Variants in AARS2 observed in about 807,000 individuals in gnomAD.
AARS2 encodes alanine--tRNA ligase, mitochondrial.
Under a neutral mutation model 119.7 loss-of-function variants are expected in AARS2, and 78 were observed. That is an observed-to-expected ratio of 0.65 (90% CI 0.54 to 0.79). AARS2 has a LOEUF of 0.79. Ranked by LOEUF, AARS2 falls within the 30% of genes least tolerant of loss-of-function variation. The probability of loss-of-function intolerance (pLI) is 0.00; values close to 1 mark genes in which losing one functional copy is unlikely to be tolerated. For synonymous variants in AARS2, 502 were observed against 526.3 expected, an observed-to-expected ratio of 0.95 and a Z score of 0.63; for missense variants, 1,157 against 1,291.3, an observed-to-expected ratio of 0.90 and a Z score of 1.59.
chr6:44,310,375 A>G lies in AARS2; in HGVS notation c.818T>C (p.Leu273Pro). 1.2e-6 allele frequency: 2 copies of G among 1,614,182 alleles called. No homozygotes were observed. Among genetic ancestry groups the G allele is most frequent in the Non-Finnish European group, 8.5e-7 (1 of 1,180,012 alleles). The change falls in exon 5 of 22, where the codon CTG becomes CCG. Residue 273 changes from leucine (L) to proline (P), a missense_variant. Coordinates refer to ENST00000244571, the MANE Select transcript of AARS2 (RefSeq NM_020745.4). ...HVDTGMGLER[L>P]VAVLQGKHST... ...GTGTTTGCCTTGCAGCACAGCCACC[A>G]GCCTTTCCAGGCCCATTCCTGTGTC...
At chr6:44,308,729 G>T (rs988796248) in intron 5 of AARS2, among the ~76,000 whole-genome samples, 1 of 151,980 alleles carries the variant, frequency 6.6e-6, no homozygotes, top group African/African-American at 2.4e-5. Context: ...CCTCCCAAGT[G>T]GCTGGGACTA....
rs1785656855 is a variant in AARS2, at chr6:44,304,495, T to G, written c.1791A>C (p.Gly597=). The G allele has an allele frequency of 1.2e-6, 2 of 1,614,036 alleles. No individual in the cohort carries two copies. Among genetic ancestry groups the G allele is most frequent in the African/African-American group, 1.3e-5 (1 of 75,000 alleles). Residue 597 remains glycine, a synonymous_variant, in exon 13 of 22, where the codon GGA becomes GGC. Coordinates refer to ENST00000244571, the MANE Select transcript of AARS2 (RefSeq NM_020745.4). ...CTACTGCCTCATGCAGGATGAAACC[T>G]CCACAGACCTGGGCCCGGGCTACTG... ...LFPVARAQVC[G]GFILHEAVAP...
At chr6:44,311,203 CA>C (rs1786322294) in intron 3 of AARS2, 42 bp from the exon 4 acceptor site, 1 of 1,613,000 alleles carries the variant, frequency 6.2e-7, no homozygotes, top group African/African-American at 1.3e-5. Context: ...CAGACAGACC[CA>C]GAAGCTGGGA....
At chr6:44,312,358 C>A (rs1583061784) in intron 1 of AARS2, 95 bp from the exon 2 acceptor site, 1 of 1,282,028 alleles carries the variant, frequency 7.8e-7, no homozygotes, top group Non-Finnish European at 1.1e-6. Context: ...CTGTTCAGAC[C>A]GAAGGCTGAC....
At chr6:44,312,651 A>G (rs1410458320) in intron 1 of AARS2, among the ~76,000 whole-genome samples, 3 of 152,200 alleles carry the variant, frequency 2.0e-5, no homozygotes, top group African/African-American at 4.8e-5. Context: ...ACGGCCTCTA[A>G]GGTTAACTTA....
At position 44,298,741 on chromosome 6, in the gene AARS2, A is replaced by C. The variant is rs774300154; in HGVS notation, c.*1806T>G. On this transcript the variant is annotated 3_prime_UTR_variant, in exon 22 of 22. Coordinates refer to ENST00000244571, the MANE Select transcript of AARS2 (RefSeq NM_020745.4). ...CAGGCGGGCCCACGCTGCTCGAATA[A>C]TTTTTACTAGACAGAATTTGGTAGC... Among the ~76,000 whole-genome samples the C allele has an allele frequency of 1.3e-4, 20 of 152,188 alleles. No homozygotes were observed. The highest frequency in any genetic ancestry group is 2.6e-4 in the Non-Finnish European group (18 of 68,030).
chr6:44,302,930 A>G lies in AARS2; in HGVS notation c.2256-20T>C, dbSNP rs1330779860. ...AGGTGCCTGTGGGAGGAAGGAGTGA[A>G]CAGAAAGTCGGGGCATGACAGTAGA... On this transcript the variant is annotated intron_variant, in intron 16 of 21. Transcript: ENST00000244571. 6.2e-7 allele frequency: 1 copy of G among 1,612,306 alleles called. No homozygotes were observed. Among genetic ancestry groups the G allele is most frequent in the Non-Finnish European group, 8.5e-7 (1 of 1,178,610 alleles).
At chr6:44,306,675 G>A in intron 7 of AARS2, 143 bp from the exon 8 acceptor site, 1 of 1,109,622 alleles carries the variant, frequency 9.0e-7, no homozygotes, top group Non-Finnish European at 1.4e-6. Context: ...TGGGGAACTG[G>A]TTTCCCTGTA....
In AARS2 at chr6:44,305,065, C is replaced by G. The variant is rs747423771; in HGVS notation, c.1568G>C (p.Ser523Thr). ...SPKYNYSLRP[S>T]GSYEFGTCEA... is the part of the protein sequence containing the mutation. ...GTCCAGGCTCTCACCATAACTTCCGCTGGGTCGCAGGGAGTAGTTGTACTT... is the reference window on the plus strand; with the variant it reads ...GTCCAGGCTCTCACCATAACTTCCGGTGGGTCGCAGGGAGTAGTTGTACTT... Residue 523 changes from serine (S) to threonine (T), a missense_variant, in exon 11 of 22, where the codon AGC becomes ACC. By Grantham distance (58) the Ser-to-Thr change is moderately conservative. Transcript: ENST00000244571. The surrounding 1 kb of genome is among the most constrained non-coding windows in gnomAD (Gnocchi z 4.6). The G allele has an allele frequency of 6.2e-7, 1 of 1,614,118 alleles. No homozygotes were observed. The highest frequency in any genetic ancestry group is 8.5e-7 in the Non-Finnish European group (1 of 1,180,000).
Position 44,313,253 on chromosome 6 carries a change from C to T in AARS2, c.71G>A (p.Gly24Asp). The T allele has an allele frequency of 6.3e-7, 1 of 1,588,210 alleles. No homozygotes were observed. The highest frequency in any genetic ancestry group is 1.8e-4 in the Middle Eastern group (1 of 5,548). Residue 24 changes from glycine (G) to aspartate (D), a missense_variant, in exon 1 of 22, where the codon GGC becomes GAC. Coordinates refer to ENST00000244571, the MANE Select transcript of AARS2 (RefSeq NM_020745.4). ...RAIRRSPAWR[G>D]LSHRPLSSEP... The stretch of plus-strand genomic sequence containing the variant: ...CGATGAGAGCGGCCGATGGCTGAGG[C>T]CCCGCCATGCGGGCGACCTTCGAAT...
chr6:44,305,316 G>T lies in AARS2; in HGVS notation c.1435-118C>A. ...AGCTGTGGACTCTGCAGCCCTTCTG[G>T]AATAAGAACTCAGGGCTTGGCTGGC... On this transcript the variant is annotated intron_variant, in intron 10 of 21. Coordinates refer to ENST00000244571, the MANE Select transcript of AARS2 (RefSeq NM_020745.4). This position sits in a 1 kb window ranked among gnomAD's most constrained non-coding sequence, Gnocchi z 4.6. The T allele has an allele frequency of 6.7e-7, 1 of 1,481,492 alleles. No individual in the cohort carries two copies. Among genetic ancestry groups the T allele is most frequent in the Non-Finnish European group, 9.3e-7 (1 of 1,080,738 alleles). 91.8% of individuals were successfully genotyped at this position (1,481,492 alleles called of 1,614,324 possible).
rs755564297 is a variant in AARS2, at chr6:44,307,261, A to G, written c.1028T>C (p.Met343Thr). 2 of 1,613,526 alleles carry G rather than the reference A, an allele frequency of 1.2e-6. No homozygotes were observed. Among genetic ancestry groups the G allele is most frequent in the African/African-American group, 2.7e-5 (2 of 74,816 alleles). Residue 343 changes from methionine (M) to threonine (T), a missense_variant, in exon 6 of 22, where the codon ATG (methionine) becomes ACG (threonine). Met to Thr is a moderately conservative substitution (Grantham distance 81). Transcript: ENST00000244571. This position sits in a 1 kb window ranked among gnomAD's most constrained non-coding sequence, Gnocchi z 4.4. The part of the protein sequence containing the change: ...VCISDGIFPG[M>T]SGPPLVLRRI... ...CTTCCAGACTCACGGGGGACCTGAC[A>G]TCCCAGGGAAGATGCCATCAGAGAT... is the stretch of plus-strand genomic sequence containing the variant.
At chr6:44,301,315 G>A (rs1331419626) in intron 20 of AARS2, 49 bp from the exon 21 acceptor site, 2 of 1,613,108 alleles carry the variant, frequency 1.2e-6, no homozygotes, top group Non-Finnish European at 8.5e-7. Flanking sequence ...CAGACCCCTA[G>A]CTGTCTCCTG....
chr6:44,300,306 C>T lies in AARS2; in HGVS notation c.*241G>A, dbSNP rs539576429. ...TGAAATAATTTCTAATGTGCAGTCA[C>T]AGCCATAATTGTCCATGTCTTCTCT... is the stretch of plus-strand genomic sequence containing the variant. On this transcript the variant is annotated 3_prime_UTR_variant, in exon 22 of 22. Coordinates refer to ENST00000244571, the MANE Select transcript of AARS2 (RefSeq NM_020745.4). The T allele has an allele frequency of 2.7e-4, 159 of 589,796 alleles. No homozygotes were observed. The highest frequency in any genetic ancestry group is 2.7e-3 in the African/African-American group (143 of 53,850). 36.5% of individuals were successfully genotyped at this position (589,796 alleles called of 1,614,324 possible).
Position 44,302,510 on chromosome 6 carries a change from G to A in AARS2, c.2368C>T (p.Arg790Ter), listed in dbSNP as rs1480490090. ...AVTGEQAQQA[R>*]ELGQSLAQEV... ...TGGGCCAGGCTCTGGCCTAGCTCTCGGGCCTGCAGGGAGGGGACAGGAGGG... is the reference window on the plus strand; with the variant it reads ...TGGGCCAGGCTCTGGCCTAGCTCTCAGGCCTGCAGGGAGGGGACAGGAGGG... Residue 790 changes from arginine to a stop codon, truncating the protein, a stop_gained, in exon 18 of 22, where the codon CGA becomes TGA. Transcript: ENST00000244571. LOFTEE classifies it high-confidence loss of function. The A allele has an allele frequency of 8.7e-6, 14 of 1,613,838 alleles. No homozygotes were observed. Among genetic ancestry groups the A allele is most frequent in the South Asian group, 1.1e-5 (1 of 91,074 alleles).
rs79437242 is a variant in AARS2, at chr6:44,306,377, C to A, written c.1203G>T (p.Val401=). ...QRNSAQIANL[V]SEDEAAFLAS... ...CCAGGAAGGCTGCCTCGTCCTCTGA[C>A]ACCAGGTTGGCGATCTGAACCAGGC... The change falls in exon 9 of 22, where the codon GTG becomes GTT. Residue 401 remains valine (V), a synonymous_variant. Coordinates refer to ENST00000244571, the MANE Select transcript of AARS2 (RefSeq NM_020745.4). 7.4e-6 allele frequency: 12 copies of A among 1,614,070 alleles called. No homozygotes were observed. The highest frequency in any genetic ancestry group is 1.0e-5 in the Non-Finnish European group (12 of 1,180,042).
rs1328449529 is a variant in AARS2, at chr6:44,305,937, G to A, written c.1301-151C>T. On this transcript the variant is annotated intron_variant, in intron 9 of 21. Transcript: ENST00000244571. This position sits in a 1 kb window ranked among gnomAD's most constrained non-coding sequence, Gnocchi z 4.6. Reference sequence around the variant, plus strand: ...CCATACTGGGTAGCCTCAGGAGAGGGGTCACATTCAGGCTTCATGCCTCAA... The same window carrying A: ...CCATACTGGGTAGCCTCAGGAGAGGAGTCACATTCAGGCTTCATGCCTCAA... The A allele has an allele frequency of 1.0e-6, 1 of 991,554 alleles. No individual in the cohort carries two copies. Among genetic ancestry groups the A allele is most frequent in the Admixed American group, 2.2e-5 (1 of 45,204 alleles). 61.4% of individuals were successfully genotyped at this position (991,554 alleles called of 1,614,324 possible).
intron 16 of AARS2, 25 bp downstream of exon 16, chr6:44,303,041 C>T: frequency 1.2e-6 from 2 of 1,613,388 alleles, no homozygotes; most frequent in African/African-American, 1.3e-5. Flanking sequence ...GCCCCTGGGC[C>T]AGGCAGCACA....
At chr6:44,301,004 C>T (rs1785305966) in intron 21 of AARS2, 152 bp downstream of exon 21, 4 of 804,630 alleles carry the variant, frequency 5.0e-6, no homozygotes, top group Middle Eastern at 3.7e-4. Context: ...TTTTCAGGAA[C>T]AAGGAGATTC....
Sources: gnomAD v4.1 joint callset for allele counts (sites outside exome capture counted in the v4.1 genomes callset) on GRCh38, gnomAD v4.1.1 for gene constraint, Gnocchi (gnomAD v3.1) non-coding constraint, MANE v1.5 for transcripts, NCBI Gene and HGNC (gene_info 2026-07-23, HGNC 2026-07-21) for gene names.